FER1L6: variants seen among roughly 807,000 people sequenced by gnomAD.
The protein encoded by FER1L6 is fer-1-like protein 6.
Under a neutral mutation model 219.2 loss-of-function variants are expected in FER1L6, and 177 were observed. That is an observed-to-expected ratio of 0.81 (90% CI 0.71 to 0.91). FER1L6 has a LOEUF of 0.91. Among genes scored for constraint, FER1L6 ranks in the 40% least tolerant of loss-of-function variants. The probability of loss-of-function intolerance (pLI) is 0.00; values close to 1 mark genes in which losing one functional copy is unlikely to be tolerated. For missense variants in FER1L6, 2,153 were observed against 2,259.9 expected (o/e 0.95, Z 0.96); for synonymous variants, 768 against 824.3 (o/e 0.93, Z 1.17).
chr8:123,904,136 T>G (rs1186057854), intron 1 of FER1L6, among the ~76,000 whole-genome samples: 2 of 152,082 alleles, frequency 1.3e-5, no homozygotes, highest in Non-Finnish European at 2.9e-5. Context: ...GGGGCATATG[T>G]AGGTGTATAA....
intron 5 of FER1L6, among the ~76,000 whole-genome samples, chr8:123,966,599 T>G (rs572727980): frequency 2.0e-5 from 3 of 152,194 alleles, no homozygotes; most frequent in African/African-American, 4.8e-5. Flanking sequence ...GTCAATAAAT[T>G]GATTGAATGT....
intron 29 of FER1L6, 147 bp from the exon 30 acceptor site, chr8:124,070,320 T>G: frequency 2.6e-6 from 2 of 776,778 alleles, no homozygotes; most frequent in African/African-American, 1.8e-5. Context: ...CCACGTTCCT[T>G]ATCTCACTGA....
At chr8:123,892,299 T>G (rs937501716) in intron 1 of FER1L6, among the ~76,000 whole-genome samples, 1 of 152,138 alleles carries the variant, frequency 6.6e-6, no homozygotes, top group Non-Finnish European at 1.5e-5. Context: ...ACAGATTTTT[T>G]TTTTCTTTTT....
At chr8:124,114,381 G>T (rs1007785149) in intron 39 of FER1L6, among the ~76,000 whole-genome samples, 1 of 152,040 alleles carries the variant, frequency 6.6e-6, no homozygotes, top group African/African-American at 2.4e-5. Flanking sequence ...TAACAAATAT[G>T]TTGTAAGCTC....
intron 1 of FER1L6, among the ~76,000 whole-genome samples, chr8:123,920,300 C>T (rs1586466468): frequency 6.6e-6 from 1 of 152,292 alleles, no homozygotes; most frequent in Middle Eastern, 3.4e-3. Context: ...TCCTGAGAGG[C>T]TGGTGGTGCA....
At chr8:124,107,517 T>G (rs906569611) in intron 39 of FER1L6, among the ~76,000 whole-genome samples, 2 of 152,288 alleles carry the variant, frequency 1.3e-5, no homozygotes, top group African/African-American at 4.8e-5. Flanking sequence ...TTAAGATCCG[T>G]AGAAGCATTT....
chr8:123,991,257 A>G (rs966587061), intron 12 of FER1L6, among the ~76,000 whole-genome samples: 2 of 152,130 alleles, frequency 1.3e-5, no homozygotes, highest in African/African-American at 4.8e-5. Flanking sequence ...TGATGTTGGT[A>G]TTTTGATAGG....
chr8:124,066,404 ACCCATTC>A lies in FER1L6; in HGVS notation c.3556-21_3556-15del. 6.2e-7 allele frequency: 1 copy of A among 1,609,414 alleles called. No homozygotes were observed. Among genetic ancestry groups the A allele is most frequent in the Non-Finnish European group, 8.5e-7 (1 of 1,178,432 alleles). On this transcript the variant is annotated splice_polypyrimidine_tract_variant and intron_variant, in intron 26 of 40. Coordinates refer to ENST00000522917, the MANE Select transcript of FER1L6 (RefSeq NM_001039112.2). ...GCAGCCAAATGAGGTTGAACTAATA[ACCCATTC>A]CCTCATCCCTTGCCAGGATCCCAGG...
intron 33 of FER1L6, 67 bp downstream of exon 33, chr8:124,082,525 T>C: frequency 7.0e-7 from 1 of 1,438,452 alleles, no homozygotes. Flanking sequence ...GGCTCCAGAC[T>C]CTGCATCCCA....
intron 21 of FER1L6, among the ~76,000 whole-genome samples, chr8:124,048,195 G>C (rs1213838634): frequency 6.6e-6 from 1 of 152,208 alleles, no homozygotes; most frequent in African/African-American, 2.4e-5. Context: ...TACAGCTGGG[G>C]TTGCACATAT....
chr8:123,919,836 G>A (rs142479731), intron 1 of FER1L6, among the ~76,000 whole-genome samples: 393 of 152,180 alleles, frequency 2.6e-3, no homozygotes, highest in African/African-American at 9.1e-3. Flanking sequence ...TAAGGTCCCT[G>A]CACCTGACTT....
intron 33 of FER1L6, among the ~76,000 whole-genome samples, chr8:124,089,294 G>A (rs1821918714): frequency 2.0e-5 from 3 of 152,244 alleles, no homozygotes; most frequent in South Asian, 4.1e-4. Flanking sequence ...GGGTAGCACT[G>A]AGTTCCAATC....
Position 124,010,603 on chromosome 8 carries a change from C to A in FER1L6, c.1710C>A (p.Asn570Lys). The A allele has an allele frequency of 6.2e-7, 1 of 1,613,882 alleles. No individual in the cohort carries two copies. ...PLVTEGNRNYNYLPFEAKKPC... is the reference protein window; with the variant it reads ...PLVTEGNRNYKYLPFEAKKPC... Reference sequence around the variant, plus strand: ...CTAATTGTTTTCACAGGAATTACAACTATTTGCCATTTGAGGCTAAGAAGC... The same window carrying A: ...CTAATTGTTTTCACAGGAATTACAAATATTTGCCATTTGAGGCTAAGAAGC... Residue 570 changes from asparagine to lysine, a missense_variant, in exon 14 of 41, where the codon AAC becomes AAA. Coordinates refer to ENST00000522917, the MANE Select transcript of FER1L6 (RefSeq NM_001039112.2).
chr8:124,104,678 T>C (rs1244190030), intron 39 of FER1L6, among the ~76,000 whole-genome samples: 1 of 152,206 alleles, frequency 6.6e-6, no homozygotes, highest in African/African-American at 2.4e-5. Context: ...CAAACTCTTA[T>C]CCTTTGACAT....
chr8:123,889,211 A>T (rs1235764320), intron 1 of FER1L6, among the ~76,000 whole-genome samples: 1 of 152,216 alleles, frequency 6.6e-6, no homozygotes, highest in Non-Finnish European at 1.5e-5. Context: ...TATTGGTGAG[A>T]ATCCCCATGT....
In FER1L6 at chr8:123,890,625, A is replaced by ATTTTTTTTT. The variant is rs59914385; in HGVS notation, c.-8+38456_-8+38464dup. ...GAGCACACTAGCCATTAAAAATTTGATTTTTTTTTTTTTTTTTTTTTTTTA... is the reference window on the plus strand; with the variant it reads ...GAGCACACTAGCCATTAAAAATTTGATTTTTTTTTTTTTTTTTTTTTTTTTTTTTTTTTA... On this transcript the variant is annotated intron_variant, in intron 1 of 40. Coordinates refer to ENST00000522917, the MANE Select transcript of FER1L6 (RefSeq NM_001039112.2). 3.6e-4 allele frequency among the ~76,000 whole-genome samples: 33 copies of ATTTTTTTTT among 91,420 alleles called. 4 individuals are homozygous for ATTTTTTTTT. The highest frequency in any genetic ancestry group is 4.5e-4 in the Non-Finnish European group (22 of 49,164). The allele number at this position is 91,420 out of a possible 152,430, so 60.0% of individuals were successfully genotyped here.
intron 19 of FER1L6, among the ~76,000 whole-genome samples, chr8:124,038,465 A>T (rs1301643345): frequency 6.6e-6 from 1 of 151,914 alleles, no homozygotes; most frequent in Non-Finnish European, 1.5e-5. Context: ...ACTTCCTGAC[A>T]TTTTTCCTTT....
chr8:123,963,458 A>C, intron 3 of FER1L6, 60 bp downstream of exon 3: 1 of 1,586,512 alleles, frequency 6.3e-7, no homozygotes, highest in Admixed American at 1.7e-5. Flanking sequence ...TGTGCCAAGC[A>C]CCTCTACAGG....
chr8:123,926,904 A>C (rs1040476852), intron 1 of FER1L6, among the ~76,000 whole-genome samples: 1 of 152,194 alleles, frequency 6.6e-6, no homozygotes, highest in African/African-American at 2.4e-5. Context: ...TCTCTCTCCT[A>C]AAATCAGAAA....
Sources: allele counts gnomAD v4.1 joint callset (sites outside exome capture counted in the v4.1 genomes callset), GRCh38; gene constraint gnomAD v4.1.1; transcripts MANE v1.5; gene names NCBI Gene and HGNC (gene_info 2026-07-23, HGNC 2026-07-21).